KCTD21: variants seen among roughly 807,000 people sequenced by gnomAD.
The protein encoded by KCTD21 is BTB/POZ domain-containing protein KCTD21.
Under a neutral mutation model 13.2 loss-of-function variants are expected in KCTD21, and 9 were observed. The ratio of observed to expected loss-of-function variants is 0.68; its 90% CI spans 0.41 to 1.19. KCTD21 has a LOEUF of 1.19. Among genes scored for constraint, KCTD21 ranks in the 50% most tolerant of loss-of-function variants. The probability of loss-of-function intolerance (pLI) is 0.01; values close to 1 mark genes in which losing one functional copy is unlikely to be tolerated. For missense variants in KCTD21, 303 were observed against 336.5 expected (o/e 0.90, Z 0.78); for synonymous variants, 142 against 137.4 (o/e 1.03, Z -0.23).
intron 1 of KCTD21, among the ~76,000 whole-genome samples, chr11:78,182,967 G>A (rs1376539693): frequency 6.6e-6 from 1 of 152,178 alleles, no homozygotes; most frequent in Non-Finnish European, 1.5e-5. Context: ...ACTAGCTGTT[G>A]TAACAATAAA....
chr11:78,183,145 C>G (rs1230384058), intron 1 of KCTD21, among the ~76,000 whole-genome samples: 1 of 152,134 alleles, frequency 6.6e-6, no homozygotes, highest in Non-Finnish European at 1.5e-5. Flanking sequence ...TAAAAGAAAC[C>G]AGGGCTTCCT....
At chr11:78,185,623 G>A (rs761283437) in intron 1 of KCTD21, among the ~76,000 whole-genome samples, 3 of 151,192 alleles carry the variant, frequency 2.0e-5, no homozygotes, top group Non-Finnish European at 2.9e-5. Context: ...ATAGAGTCTC[G>A]CTCTGTCACC....
chr11:78,175,541 G>C (rs1037660781), intron 1 of KCTD21, among the ~76,000 whole-genome samples: 2 of 151,978 alleles, frequency 1.3e-5, no homozygotes, highest in African/African-American at 2.4e-5. Flanking sequence ...TCAACAAATG[G>C]TTTGAGATTT....
In KCTD21 at chr11:78,185,466, CT is replaced by C. The variant is rs1862739321; in HGVS notation, c.-30+3106del. ...GAAGTGTGAAAAGCTCATAATTTTC[CT>C]TCCCAAGTGTTTCTGAATTTTGAAG... On this transcript the variant is annotated intron_variant, in intron 1 of 1. Coordinates refer to ENST00000340067, the MANE Select transcript of KCTD21 (RefSeq NM_001029859.3). Among the ~76,000 whole-genome samples the C allele has an allele frequency of 1.3e-5, 2 of 152,102 alleles. 1 individual carries two copies. Among genetic ancestry groups the C allele is most frequent in the Admixed American group, 1.3e-4 (2 of 15,266 alleles).
intron 1 of KCTD21, among the ~76,000 whole-genome samples, chr11:78,180,298 T>C (rs1862577694): frequency 6.6e-6 from 1 of 152,168 alleles, no homozygotes. Flanking sequence ...AAAACACCTA[T>C]CTGATAAAGG....
intron 1 of KCTD21, chr11:78,187,127 C>T (rs1460525466): frequency 1.0e-6 from 1 of 985,410 alleles, no homozygotes. Flanking sequence ...ATGGACAGCA[C>T]GTGGCTGGGT....
chr11:78,188,123 G>A (rs913974663), intron 1 of KCTD21: 1 of 985,290 alleles, frequency 1.0e-6, no homozygotes, highest in Admixed American at 6.1e-5. Flanking sequence ...AGCGGGGCAA[G>A]TTCCCTGTCA....
At chr11:78,187,042 A>T in intron 1 of KCTD21, 2 of 985,446 alleles carry the variant, frequency 2.0e-6, no homozygotes, top group Non-Finnish European at 2.4e-6. Context: ...TTCAATCTGG[A>T]ATCTAAAGGG....
chr11:78,185,403 C>T (rs1489634964), intron 1 of KCTD21, among the ~76,000 whole-genome samples: 2 of 152,104 alleles, frequency 1.3e-5, no homozygotes, highest in Non-Finnish European at 2.9e-5. Context: ...CAATAAGTCG[C>T]CAGATTTAGT....
intron 1 of KCTD21, chr11:78,178,131 C>CTTTTTTT (rs11453841): frequency 5.2e-4 from 74 of 141,900 alleles, no homozygotes; most frequent in Middle Eastern, 3.4e-3. Context: ...CCCTTCTTTT[C>CTTTTTTT]TTTTTTTTTT....
intron 1 of KCTD21, chr11:78,186,828 T>A (rs978807688): frequency 2.2e-5 from 22 of 985,316 alleles, no homozygotes; most frequent in Non-Finnish European, 2.7e-5. Context: ...TGCGGAGAAT[T>A]TTAGTCTAAC....
chr11:78,187,381 G>A, intron 1 of KCTD21: 6 of 985,400 alleles, frequency 6.1e-6, no homozygotes, highest in Non-Finnish European at 7.2e-6. Flanking sequence ...CCATAGGGAG[G>A]AGAGAAAAGG....
chr11:78,183,596 G>A (rs952155831), intron 1 of KCTD21, among the ~76,000 whole-genome samples: 2 of 151,462 alleles, frequency 1.3e-5, no homozygotes, highest in African/African-American at 2.4e-5. Flanking sequence ...AAAAGAGGGT[G>A]AGAAGAAGGG....
chr11:78,179,121 C>G (rs1332677796), intron 1 of KCTD21, among the ~76,000 whole-genome samples: 1 of 152,182 alleles, frequency 6.6e-6, no homozygotes, highest in Non-Finnish European at 1.5e-5. Flanking sequence ...CCACTCCCAC[C>G]CTGAGGAGTG....
chr11:78,182,383 T>G (rs1409844849), intron 1 of KCTD21, among the ~76,000 whole-genome samples: 1 of 151,532 alleles, frequency 6.6e-6, no homozygotes, highest in Non-Finnish European at 1.5e-5. Flanking sequence ...TTTAAATAAT[T>G]AAAATTTTAA....
In KCTD21 at chr11:78,174,239, C is replaced by G. The variant is rs1862376133; in HGVS notation, c.316G>C (p.Ala106Pro). ...ATGTTGAGCATGGCATTCTTCTCGG[C>G]CTTGGAGAGCTCCACTTCCTTCTCC... ...LQEKEVELSK[A>P]EKNAMLNITL... is the part of the protein sequence containing the mutation. Residue 106 changes from alanine to proline, a missense_variant, in exon 2 of 2, where the codon GCC becomes CCC. Coordinates refer to ENST00000340067, the MANE Select transcript of KCTD21 (RefSeq NM_001029859.3). 1 of 1,613,908 alleles carries G rather than the reference C, an allele frequency of 6.2e-7. No homozygotes were observed. The highest frequency in any genetic ancestry group is 1.3e-5 in the African/African-American group (1 of 74,888).
rs1455745371 is a variant in KCTD21 at position 78,172,290 on chromosome 11, G to A, written c.*1482C>T. 6.6e-6 allele frequency: 1 copy of A among 152,400 alleles called. No homozygotes were observed. The highest frequency in any genetic ancestry group is 1.5e-5 in the Non-Finnish European group (1 of 68,200). The allele number at this position is 152,400 out of a possible 1,614,324, so 9.4% of individuals were successfully genotyped here. A position where few individuals can be genotyped will look rare whatever the true frequency, so the allele number is the denominator to read the frequency against. ...CTGCAGGGGAAGGCCGCCTTCCTGA[G>A]GGCAGGGTCTTAGGGGCCGCACATT... On this transcript the variant is annotated 3_prime_UTR_variant, in exon 2 of 2. Transcript: ENST00000340067.
At chr11:78,182,631 T>A (rs1862663678) in intron 1 of KCTD21, among the ~76,000 whole-genome samples, 1 of 152,196 alleles carries the variant, frequency 6.6e-6, no homozygotes. Context: ...GATTACATTG[T>A]CTTTGTTTCA....
rs1476357519 is a variant in KCTD21, at chr11:78,181,796, G to A, written c.-30+6777C>T. 3.3e-5 allele frequency among the ~76,000 whole-genome samples: 5 copies of A among 151,848 alleles called. No homozygotes were observed. The East Asian group carries it at 9.7e-4, about 29-fold the overall frequency. On this transcript the variant is annotated intron_variant, in intron 1 of 1. Coordinates refer to ENST00000340067, the MANE Select transcript of KCTD21 (RefSeq NM_001029859.3). ...CCCCTGTCTCAATTAAAAAAAAAGT[G>A]TAAATTTTACCATACTTAAGTTTTA...
Sources: allele counts gnomAD v4.1 joint callset (sites outside exome capture counted in the v4.1 genomes callset), GRCh38; gene constraint gnomAD v4.1.1; transcripts MANE v1.5; gene names NCBI Gene and HGNC (gene_info 2026-07-23, HGNC 2026-07-21).